Variants in PSD3 observed in about 807,000 individuals in gnomAD.
The protein encoded by PSD3 is pleckstrin and Sec7 domain containing 3.
PSD3 carries 49 observed loss-of-function variants against 105.5 expected under a neutral mutation model. That is an observed-to-expected ratio of 0.46 (90% CI 0.37 to 0.59). The LOEUF (loss-of-function observed/expected upper bound fraction) is 0.59. PSD3 is among the 20% of genes least tolerant of loss of function. The pLI, the probability that PSD3 is intolerant of heterozygous loss-of-function variation, is 0.00. For synonymous variants in PSD3, 557 were observed against 457.8 expected, an observed-to-expected ratio of 1.22 and a Z score of -2.77; for missense variants, 1,561 against 1,263.8, an observed-to-expected ratio of 1.24 and a Z score of -3.57.
At chr8:18,921,779 G>A (rs536178540) in intron 2 of PSD3, among the ~76,000 whole-genome samples, 4 of 152,270 alleles carry the variant, frequency 2.6e-5, no homozygotes, top group Admixed American at 6.5e-5. Flanking sequence ...CAGTGTTCAC[G>A]GGCTTCAGGA....
chr8:18,678,494 G>C (rs186402770), intron 9 of PSD3, among the ~76,000 whole-genome samples: 1 of 151,972 alleles, frequency 6.6e-6, no homozygotes, highest in Admixed American at 6.6e-5. Context: ...TGTTCTCTTC[G>C]CCTTGCTTCT....
At chr8:18,906,649 C>A (rs1241882691) in intron 2 of PSD3, among the ~76,000 whole-genome samples, 2 of 152,046 alleles carry the variant, frequency 1.3e-5, no homozygotes, top group African/African-American at 4.8e-5. Flanking sequence ...GTATCATATC[C>A]TAAAACAATA....
chr8:18,972,752 C>T (rs1269311172), intron 1 of PSD3, among the ~76,000 whole-genome samples: 1 of 152,152 alleles, frequency 6.6e-6, no homozygotes, highest in Non-Finnish European at 1.5e-5. Flanking sequence ...AGGACACTCA[C>T]CAAGGATTCT....
intron 1 of PSD3, among the ~76,000 whole-genome samples, chr8:18,944,279 G>C (rs1170709916): frequency 6.6e-6 from 1 of 152,130 alleles, no homozygotes; most frequent in South Asian, 2.1e-4. Context: ...GACTTAAAAA[G>C]TTTAAGCCAG....
intron 4 of PSD3, chr8:18,849,781 A>C (rs1815420782): frequency 6.6e-6 from 1 of 152,158 alleles, no homozygotes; most frequent in African/African-American, 2.4e-5. Context: ...GTCTAAGGTA[A>C]ACTTTTCTCC....
intron 4 of PSD3, among the ~76,000 whole-genome samples, chr8:18,835,082 T>C (rs1243918036): frequency 6.6e-6 from 1 of 152,216 alleles, no homozygotes; most frequent in African/African-American, 2.4e-5. Flanking sequence ...CAGTCAAGTA[T>C]GCGAAGAAAT....
At chr8:18,593,588 T>C (rs1034477436) in intron 12 of PSD3, among the ~76,000 whole-genome samples, 3 of 152,044 alleles carry the variant, frequency 2.0e-5, no homozygotes, top group African/African-American at 7.2e-5. Flanking sequence ...GATCTAGAAC[T>C]AGAAATACCA....
At chr8:18,975,480 T>G (rs1162467426) in intron 1 of PSD3, among the ~76,000 whole-genome samples, 1 of 152,196 alleles carries the variant, frequency 6.6e-6, no homozygotes, top group East Asian at 1.9e-4. Flanking sequence ...TTCTGCCATT[T>G]ACAACTATGG....
intron 4 of PSD3, among the ~76,000 whole-genome samples, chr8:18,812,973 G>A (rs953366952): frequency 1.3e-5 from 2 of 152,152 alleles, no homozygotes; most frequent in African/African-American, 4.8e-5. Flanking sequence ...TGCTTGTGGT[G>A]TGGAGGGAAA....
chr8:19,004,792 C>T (rs1324884551), intron 1 of PSD3, among the ~76,000 whole-genome samples: 1 of 151,938 alleles, frequency 6.6e-6, no homozygotes, highest in South Asian at 2.1e-4. Context: ...CTTTCCAATG[C>T]TGTTCTCTTG....
At chr8:18,980,828 T>C (rs1196984489) in intron 1 of PSD3, among the ~76,000 whole-genome samples, 1 of 152,158 alleles carries the variant, frequency 6.6e-6, no homozygotes, top group Non-Finnish European at 1.5e-5. Context: ...CCCTTCACCA[T>C]CCCCACTCCT....
At chr8:19,032,052 C>G (rs1407320488) in intron 1 of PSD3, among the ~76,000 whole-genome samples, 2 of 152,122 alleles carry the variant, frequency 1.3e-5, no homozygotes, top group African/African-American at 4.8e-5. Flanking sequence ...ATGGGATGCT[C>G]AGGCCTCTGA....
chr8:18,755,360 G>A (rs74525630), intron 9 of PSD3, among the ~76,000 whole-genome samples: 8,990 of 151,996 alleles, frequency 0.059, 517 homozygotes, highest in East Asian at 0.28. Flanking sequence ...AACCTAGGAG[G>A]TAGAGGTTGC....
chr8:18,690,539 T>A lies in PSD3; in HGVS notation c.2173-34854A>T, dbSNP rs183279813. ...GTGGCAGCCTAGCTTCTTCTAACACTCTACACCCCAGGACAGGATTCTTAT... is the reference window on the plus strand; with the variant it reads ...GTGGCAGCCTAGCTTCTTCTAACACACTACACCCCAGGACAGGATTCTTAT... On this transcript the variant is annotated intron_variant, in intron 9 of 15. Transcript: ENST00000327040. 6.6e-5 allele frequency among the ~76,000 whole-genome samples: 10 copies of A among 152,224 alleles called. No homozygotes were observed. In the East Asian group the frequency reaches 1.9e-3, roughly 29 times the overall value.
At chr8:18,936,370 T>C (rs1462992952) in intron 1 of PSD3, among the ~76,000 whole-genome samples, 2 of 152,148 alleles carry the variant, frequency 1.3e-5, no homozygotes, top group South Asian at 2.1e-4. Context: ...TAAACATCTA[T>C]AGGGAAGTCA....
chr8:18,853,010 C>T (rs1195029052), intron 4 of PSD3, among the ~76,000 whole-genome samples: 2 of 152,042 alleles, frequency 1.3e-5, no homozygotes, highest in East Asian at 3.9e-4. Flanking sequence ...TGCTAGAGAC[C>T]AAACTGTAAG....
At chr8:18,618,882 T>C (rs542225323) in intron 11 of PSD3, among the ~76,000 whole-genome samples, 1 of 152,130 alleles carries the variant, frequency 6.6e-6, no homozygotes, top group South Asian at 2.1e-4. Flanking sequence ...GATGGGGTCT[T>C]AATATGTTGC....
chr8:18,575,098 C>G (rs1468235247), intron 13 of PSD3, 30 bp downstream of exon 13: 1 of 1,602,398 alleles, frequency 6.2e-7, no homozygotes, highest in Non-Finnish European at 8.5e-7. Flanking sequence ...AACTAAAACA[C>G]AAAATCAAAT....
chr8:18,729,127 G>C (rs1159878486), intron 9 of PSD3, among the ~76,000 whole-genome samples: 2 of 152,142 alleles, frequency 1.3e-5, no homozygotes, highest in African/African-American at 4.8e-5. Context: ...AATTTTTAAC[G>C]CTAGAGACTT....
Sources: gnomAD v4.1 joint callset for allele counts (sites outside exome capture counted in the v4.1 genomes callset) on GRCh38, gnomAD v4.1.1 for gene constraint, MANE v1.5 for transcripts, NCBI Gene and HGNC (gene_info 2026-07-23, HGNC 2026-07-21) for gene names.